Variants in DYM observed in about 807,000 individuals in gnomAD.
The protein encoded by DYM is dyggve-Melchior-Clausen syndrome protein.
DYM carries 78 observed loss-of-function variants against 93.1 expected under a neutral mutation model. The ratio of observed to expected loss-of-function variants is 0.84; its 90% CI spans 0.70 to 1.01. DYM has a LOEUF of 1.01. Ranked by LOEUF, DYM falls within the 50% of genes least tolerant of loss-of-function variation. The pLI is 0.00. For missense variants in DYM, 789 were observed against 845.0 expected, an observed-to-expected ratio of 0.93 and a Z score of 0.82; for synonymous variants, 321 against 319.7, an observed-to-expected ratio of 1.00 and a Z score of -0.04.
intron 17 of DYM, among the ~76,000 whole-genome samples, chr18:49,047,341 G>A (rs951328623): frequency 6.6e-6 from 1 of 152,216 alleles, no homozygotes; most frequent in African/African-American, 2.4e-5. Context: ...GCGCAGGCTG[G>A]AAGTCTCAGT....
At chr18:49,166,581 G>C (rs1395070268) in intron 14 of DYM, among the ~76,000 whole-genome samples, 1 of 151,418 alleles carries the variant, frequency 6.6e-6, no homozygotes, top group Non-Finnish European at 1.5e-5. Flanking sequence ...TTTCGAGTAT[G>C]TAAATTATTT....
At chr18:49,095,356 T>C (rs1420005370) in intron 17 of DYM, among the ~76,000 whole-genome samples, 5 of 152,208 alleles carry the variant, frequency 3.3e-5, no homozygotes, top group Admixed American at 2.6e-4. Context: ...GTGGTAATAA[T>C]ATGCTATCAT....
At chr18:49,425,716 C>T (rs1026087080) in intron 2 of DYM, among the ~76,000 whole-genome samples, 2 of 152,166 alleles carry the variant, frequency 1.3e-5, no homozygotes, top group South Asian at 2.1e-4. Context: ...CAAACAACCC[C>T]CATCAAAAAG....
chr18:49,120,545 A>G (rs896470492), intron 15 of DYM, among the ~76,000 whole-genome samples: 1 of 152,198 alleles, frequency 6.6e-6, no homozygotes, highest in African/African-American at 2.4e-5. Flanking sequence ...TGCTCACTCC[A>G]TCCACAGATT....
intron 17 of DYM, among the ~76,000 whole-genome samples, chr18:49,095,101 T>C (rs944992190): frequency 1.3e-5 from 2 of 152,224 alleles, no homozygotes; most frequent in African/African-American, 4.8e-5. Flanking sequence ...ACAATTATTT[T>C]ATCAGTATAT....
chr18:49,406,164 T>C (rs2071472479), intron 2 of DYM, among the ~76,000 whole-genome samples: 1 of 152,218 alleles, frequency 6.6e-6, no homozygotes, highest in Admixed American at 6.5e-5. Flanking sequence ...CAAAAAGAGA[T>C]GGTTTGACTT....
Position 49,081,276 on chromosome 18 carries a change from C to T in DYM, c.2025+16126G>A, listed in dbSNP as rs1342982283. On this transcript the variant is annotated intron_variant, in intron 17 of 17. Transcript: ENST00000675505. ...CGGCACCTCGGGAGGCCGAGGCTGG[C>T]GGATCACTCATGGTTAGGAGCTGGA... Among the ~76,000 whole-genome samples, 7 of 150,972 alleles carry T rather than the reference C, an allele frequency of 4.6e-5. No individual in the cohort carries two copies. In the South Asian group the frequency reaches 1.3e-3, roughly 27 times the overall value.
intron 11 of DYM, among the ~76,000 whole-genome samples, chr18:49,271,625 T>C (rs1410776762): frequency 1.3e-5 from 2 of 151,996 alleles, no homozygotes; most frequent in Non-Finnish European, 2.9e-5. Flanking sequence ...TAAAACCTTG[T>C]ACTTCTATAC....
chr18:49,208,557 T>C (rs1205155443), intron 14 of DYM: 1 of 152,248 alleles, frequency 6.6e-6, no homozygotes, highest in East Asian at 1.9e-4. Context: ...GAAAAGTCTC[T>C]GTCAACTTAC....
chr18:49,429,323 CAT>C (rs2074588862), intron 2 of DYM, among the ~76,000 whole-genome samples: 1 of 152,206 alleles, frequency 6.6e-6, no homozygotes, highest in South Asian at 2.1e-4. Context: ...TGTAATGTAA[CAT>C]ATTCAGATTC....
At chr18:49,252,473 G>C (rs145013180) in intron 13 of DYM, among the ~76,000 whole-genome samples, 1 of 152,114 alleles carries the variant, frequency 6.6e-6, no homozygotes, top group Non-Finnish European at 1.5e-5. Context: ...ACAGCATGAG[G>C]GAAACTGCCC....
At chr18:49,165,493 A>G (rs551279092) in intron 14 of DYM, among the ~76,000 whole-genome samples, 10 of 152,088 alleles carry the variant, frequency 6.6e-5, no homozygotes, top group Admixed American at 2.0e-4. Flanking sequence ...AATTTAGGAA[A>G]ATCTGTAATT....
chr18:49,102,599 ACGTTCCCCTTCCTGTGTCCATGTGTTCT>A (rs1373237320), intron 16 of DYM, among the ~76,000 whole-genome samples: 1 of 152,066 alleles, frequency 6.6e-6, no homozygotes, highest in Non-Finnish European at 1.5e-5. Context: ...CCAGTGTGTG[ACGTTCCCCTTCCTGTGTCCATGTGTTCT>A]CATTGTTCAA....
chr18:49,309,462 C>G (rs535168392), intron 8 of DYM, among the ~76,000 whole-genome samples: 1 of 152,034 alleles, frequency 6.6e-6, no homozygotes, highest in Non-Finnish European at 1.5e-5. Context: ...CAGCAAGATG[C>G]AGTCTCTATA....
intron 2 of DYM, among the ~76,000 whole-genome samples, chr18:49,410,124 G>C (rs2072051986): frequency 6.6e-6 from 1 of 152,124 alleles, no homozygotes; most frequent in African/African-American, 2.4e-5. Flanking sequence ...GGATTACAGT[G>C]TCATGATCCC....
intron 11 of DYM, among the ~76,000 whole-genome samples, chr18:49,271,550 G>A (rs2094699266): frequency 6.6e-6 from 1 of 152,046 alleles, no homozygotes; most frequent in Admixed American, 6.6e-5. Context: ...GGACAGAACT[G>A]AAAGCATTTG....
chr18:49,255,837 A>G (rs1289255578), intron 13 of DYM, among the ~76,000 whole-genome samples: 3 of 152,134 alleles, frequency 2.0e-5, no homozygotes, highest in Non-Finnish European at 2.9e-5. Context: ...AAGCCCTGCA[A>G]TGATATTCAC....
chr18:49,441,048 A>AT, intron 1 of DYM, among the ~76,000 whole-genome samples: 2 of 7,042 alleles, frequency 2.8e-4, no homozygotes, highest in African/African-American at 6.6e-4. Flanking sequence ...ATAAATATAT[A>AT]ATATATTTAT....
Position 49,258,401 on chromosome 18 carries a change from T to C in DYM, c.1344A>G (p.Gln448=), listed in dbSNP as rs77902523. The change falls in exon 12 of 18, where the codon CAA becomes CAG. Residue 448 remains glutamine (Q), a synonymous_variant. Coordinates refer to ENST00000675505, the MANE Select transcript of DYM (RefSeq NM_001353214.3). The stretch of plus-strand genomic sequence containing the variant: ...TTACTCGTGTCCTAGTCATGTTGTA[T>C]TGAATGGTTCTTATTACCACCAGGA... The part of the protein sequence containing the change: ...LLILVVIRTI[Q]YNMTRTRDKY... 36 of 1,610,980 alleles carry C rather than the reference T, an allele frequency of 2.2e-5. No individual in the cohort carries two copies. The East Asian group carries it at 3.3e-4, about 15-fold the overall frequency.
Sources: allele counts gnomAD v4.1 joint callset (sites outside exome capture counted in the v4.1 genomes callset), GRCh38; gene constraint gnomAD v4.1.1; transcripts MANE v1.5; gene names NCBI Gene and HGNC (gene_info 2026-07-23, HGNC 2026-07-21).